Variants in STRIP2 observed in about 807,000 individuals in gnomAD.
STRIP2 encodes striatin-interacting protein 2.
Under a neutral mutation model 107.1 loss-of-function variants are expected in STRIP2, and 84 were observed. That is an observed-to-expected ratio of 0.78 (90% CI 0.66 to 0.94). The LOEUF is 0.94. STRIP2 is among the 40% of genes least tolerant of loss of function. The probability of loss-of-function intolerance (pLI) is 0.00; values close to 1 mark genes in which losing one functional copy is unlikely to be tolerated. For missense variants in STRIP2, 888 were observed against 1,034.2 expected, an observed-to-expected ratio of 0.86 and a Z score of 1.94; for synonymous variants, 394 against 400.4, an observed-to-expected ratio of 0.98 and a Z score of 0.19.
At chr7:129,482,776 T>G (rs1278327050) in intron 19 of STRIP2, 66 bp from the exon 20 acceptor site, 2 of 1,589,388 alleles carry the variant, frequency 1.3e-6, no homozygotes, top group Non-Finnish European at 1.7e-6. Context: ...TTTGGTTTAA[T>G]TTGTCTGTAA....
intron 2 of STRIP2, among the ~76,000 whole-genome samples, chr7:129,440,438 A>G (rs969534752): frequency 4.6e-5 from 7 of 151,898 alleles, no homozygotes; most frequent in African/African-American, 1.7e-4. Context: ...CCTGTCACCC[A>G]TATCTTTGCC....
At chr7:129,438,490 T>G (rs1797810400) in intron 1 of STRIP2, among the ~76,000 whole-genome samples, 1 of 152,246 alleles carries the variant, frequency 6.6e-6, no homozygotes, top group South Asian at 2.1e-4. Context: ...ATTAACTCAT[T>G]TAGTCCTTAA....
chr7:129,481,187 T>C (rs1799106894), intron 19 of STRIP2, among the ~76,000 whole-genome samples: 1 of 152,206 alleles, frequency 6.6e-6, no homozygotes, highest in African/African-American at 2.4e-5. Flanking sequence ...AGGTTTATCA[T>C]TGCAACATTG....
chr7:129,454,657 T>G, intron 7 of STRIP2, 130 bp downstream of exon 7: 1 of 660,822 alleles, frequency 1.5e-6, no homozygotes, highest in Admixed American at 2.5e-5. Context: ...GTCCTTTCTT[T>G]TAGGACACAG....
intron 5 of STRIP2, 55 bp downstream of exon 5, chr7:129,453,402 C>T: frequency 6.2e-7 from 1 of 1,604,972 alleles, no homozygotes; most frequent in Non-Finnish European, 8.5e-7. Flanking sequence ...CTTAAAGGGG[C>T]CTCATGTTCT....
intron 1 of STRIP2, among the ~76,000 whole-genome samples, chr7:129,437,678 G>A (rs1359178422): frequency 6.6e-6 from 1 of 151,760 alleles, no homozygotes; most frequent in Non-Finnish European, 1.5e-5. Flanking sequence ...TTACCTATCA[G>A]AATAAAACAG....
intron 3 of STRIP2, 75 bp downstream of exon 3, chr7:129,444,173 A>G (rs1261077279): frequency 1.1e-5 from 12 of 1,105,296 alleles, no homozygotes; most frequent in Non-Finnish European, 1.6e-5. Context: ...GTAAAAGACT[A>G]AAACAAAGTG....
intron 18 of STRIP2, among the ~76,000 whole-genome samples, chr7:129,473,650 G>A (rs533777375): frequency 1.3e-5 from 2 of 152,210 alleles, no homozygotes; most frequent in South Asian, 4.1e-4. Context: ...GATTACAGGT[G>A]TCAGCCACCA....
At position 129,458,995 on chromosome 7, in the gene STRIP2, C is replaced by G. The variant is rs539535097; in HGVS notation, c.1340+218C>G. On this transcript the variant is annotated intron_variant, in intron 11 of 20. Transcript: ENST00000249344. The surrounding 1 kb of genome is among the most constrained non-coding windows in gnomAD (Gnocchi z 4.6). The stretch of plus-strand genomic sequence containing the variant: ...CTCAAAGAACTTTTGTGTTTTTAGC[C>G]AACTGTAGGACTTTGAGCAACAAGT... Among the ~76,000 whole-genome samples the G allele has an allele frequency of 7.7e-4, 117 of 152,116 alleles. No homozygotes were observed. The highest frequency in any genetic ancestry group is 1.3e-3 in the Non-Finnish European group (87 of 68,026).
rs1798991847 is a variant in STRIP2 at position 129,477,213 on chromosome 7, G to GGAGGAGGAGGGAGAGGGA, written c.1945-3568_1945-3567insAGGAGGGAGAGGGAGAGG. Reference sequence around the variant, plus strand: ...GGGAGAGGGAGGGGGAGGGGGAGGGGGAGGGAGACTGTGGGGAGAGGGAGA... The same window carrying GGAGGAGGAGGGAGAGGGA: ...GGGAGAGGGAGGGGGAGGGGGAGGGGGAGGAGGAGGGAGAGGGAGAGGGAGACTGTGGGGAGAGGGAGA... On this transcript the variant is annotated intron_variant, in intron 18 of 20. Coordinates refer to ENST00000249344, the MANE Select transcript of STRIP2 (RefSeq NM_020704.3). Among the ~76,000 whole-genome samples the GGAGGAGGAGGGAGAGGGA allele has an allele frequency of 1.0e-4, 3 of 29,100 alleles. No individual in the cohort carries two copies. In the Admixed American group the frequency reaches 1.6e-3, roughly 16 times the overall value. 19.1% of individuals were successfully genotyped at this position (29,100 alleles called of 152,430 possible). A position where few individuals can be genotyped will look rare whatever the true frequency, so the allele number is the denominator to read the frequency against.
intron 1 of STRIP2, among the ~76,000 whole-genome samples, chr7:129,435,339 C>A (rs1797705919): frequency 6.6e-6 from 1 of 152,230 alleles, no homozygotes; most frequent in African/African-American, 2.4e-5. Context: ...ATTATCACTT[C>A]CCTATCCCCT....
At chr7:129,438,070 G>A (rs1359109270) in intron 1 of STRIP2, among the ~76,000 whole-genome samples, 1 of 152,178 alleles carries the variant, frequency 6.6e-6, no homozygotes, top group African/African-American at 2.4e-5. Context: ...CTCCCAAAGT[G>A]TTGGGATTAC....
rs1264675587 is a variant in STRIP2, at chr7:129,455,342, G to T, written c.805G>T (p.Val269Phe). ...GGCTCCTCACTTCCCCATAAAGAAGGTCCTGCTCCTGCTCTGGAAGGTGGT... is the reference window on the plus strand; with the variant it reads ...GGCTCCTCACTTCCCCATAAAGAAGTTCCTGCTCCTGCTCTGGAAGGTGGT... ...GLAPHFPIKK[V>F]LLLLWKVVMF... Residue 269 changes from valine (V) to phenylalanine (F), a missense_variant, in exon 8 of 21, where the codon GTC (valine) becomes TTC (phenylalanine). Physicochemically the swap from Val to Phe is conservative, Grantham distance 50. Coordinates refer to ENST00000249344, the MANE Select transcript of STRIP2 (RefSeq NM_020704.3). 1.2e-6 allele frequency: 2 copies of T among 1,613,708 alleles called. No individual in the cohort carries two copies. The highest frequency in any genetic ancestry group is 1.6e-4 in the Middle Eastern group (1 of 6,062).
At position 129,483,345 on chromosome 7, in the gene STRIP2, A is replaced by T. The variant is rs1325172617; in HGVS notation, c.2254+299A>T. 1.8e-6 allele frequency: 2 copies of T among 1,093,692 alleles called. No homozygotes were observed. Among genetic ancestry groups the T allele is most frequent in the Admixed American group, 4.2e-5 (1 of 23,900 alleles). The allele number at this position is 1,093,692 out of a possible 1,614,324, so 67.7% of individuals were successfully genotyped here. The stretch of plus-strand genomic sequence containing the variant: ...CAGCTTTCTCCAAAAGATTTAAATT[A>T]AAACAACTTTTTATTATTACAAAGC... On this transcript the variant is annotated intron_variant, in intron 20 of 20. Transcript: ENST00000249344. This position sits in a 1 kb window ranked among gnomAD's most constrained non-coding sequence, Gnocchi z 5.1.
intron 5 of STRIP2, 54 bp from the exon 6 acceptor site, chr7:129,454,088 A>G: frequency 6.6e-7 from 1 of 1,524,284 alleles, no homozygotes; most frequent in Non-Finnish European, 9.1e-7. Flanking sequence ...AAGTAAGAGC[A>G]CAGAGAGAAA....
At chr7:129,455,819 C>T (rs1225755726) in intron 8 of STRIP2, among the ~76,000 whole-genome samples, 1 of 151,980 alleles carries the variant, frequency 6.6e-6, no homozygotes, top group African/African-American at 2.4e-5. Context: ...TTTTTTCTTA[C>T]AGACAGGCCT....
chr7:129,451,180 C>T (rs1304748735), intron 3 of STRIP2, among the ~76,000 whole-genome samples: 1 of 152,020 alleles, frequency 6.6e-6, no homozygotes, highest in Non-Finnish European at 1.5e-5. Flanking sequence ...ACCTCGTGAT[C>T]CGCCCGCCTC....
intron 18 of STRIP2, among the ~76,000 whole-genome samples, chr7:129,477,205 G>A (rs1171811447): frequency 9.6e-6 from 1 of 104,108 alleles, no homozygotes; most frequent in Non-Finnish European, 2.1e-5. Flanking sequence ...GGAGGGGGAG[G>A]GGGAGGGGGA....
intron 16 of STRIP2, among the ~76,000 whole-genome samples, chr7:129,466,450 C>A (rs1798672711): frequency 6.6e-6 from 1 of 152,188 alleles, no homozygotes; most frequent in African/African-American, 2.4e-5. Flanking sequence ...TGCTGCTTGG[C>A]TACTTGTTGG....
Sources: gnomAD v4.1 joint callset for allele counts (sites outside exome capture counted in the v4.1 genomes callset) on GRCh38, gnomAD v4.1.1 for gene constraint, Gnocchi (gnomAD v3.1) non-coding constraint, MANE v1.5 for transcripts, NCBI Gene and HGNC (gene_info 2026-07-23, HGNC 2026-07-21) for gene names.